The following PPIP5K1 variants were observed in gnomAD, a reference collection of about 807,000 sequenced individuals.
The protein encoded by PPIP5K1 is inositol hexakisphosphate and diphosphoinositol-pentakisphosphate kinase 1.
A neutral mutation model predicts 27.7 loss-of-function variants in PPIP5K1; 6 were observed. That is an observed-to-expected ratio of 0.22 (90% CI 0.12 to 0.43). The LOEUF is 0.43. Among genes scored for constraint, PPIP5K1 ranks in the 20% least tolerant of loss-of-function variants. The probability of loss-of-function intolerance (pLI) is 1.00; values close to 1 mark genes in which losing one functional copy is unlikely to be tolerated. For missense variants in PPIP5K1, 394 were observed against 635.4 expected, an observed-to-expected ratio of 0.62 and a Z score of 4.08; for synonymous variants, 145 against 242.6, an observed-to-expected ratio of 0.60 and a Z score of 3.74.
At chr15:43,546,293 T>C (rs961683143) in intron 30 of PPIP5K1, among the ~76,000 whole-genome samples, 1 of 152,226 alleles carries the variant, frequency 6.6e-6, no homozygotes, top group African/African-American at 2.4e-5. Flanking sequence ...ACATTTCAGT[T>C]GTTTTTACCT....
At chr15:43,545,213 A>G (rs2081229146) in intron 30 of PPIP5K1, among the ~76,000 whole-genome samples, 1 of 151,894 alleles carries the variant, frequency 6.6e-6, no homozygotes, top group Admixed American at 6.6e-5. Context: ...ATTGGATCAG[A>G]GGTTAACTAT....
chr15:43,537,409 C>T (rs754748905), intron 31 of PPIP5K1: 9 of 312,340 alleles, frequency 2.9e-5, no homozygotes, highest in South Asian at 2.1e-4. Context: ...GAAAAAGAAG[C>T]CAGACGCGGT....
At chr15:43,551,620 T>TTTTTTTTTTTTTTTG (rs1567047110) in intron 30 of PPIP5K1, among the ~76,000 whole-genome samples, 1 of 124,692 alleles carries the variant, frequency 8.0e-6, no homozygotes, top group African/African-American at 4.2e-5. Context: ...TTTTTTTTTT[T>TTTTTTTTTTTTTTTG]GAGACGGAGT....
In PPIP5K1 at chr15:43,534,510, T is replaced by TA. The variant is rs1595664728; in HGVS notation, c.*163dup. 1.5e-6 allele frequency: 1 copy of TA among 646,450 alleles called. No homozygotes were observed. The highest frequency in any genetic ancestry group is 2.7e-5 in the East Asian group (1 of 37,326). 40.0% of individuals were successfully genotyped at this position (646,450 alleles called of 1,614,324 possible). ...GGCTCAAATGGCTGGTATAGTGTGATACCACTAATGAGAAAATTAATCACA... is the reference window on the plus strand; with the variant it reads ...GGCTCAAATGGCTGGTATAGTGTGATAACCACTAATGAGAAAATTAATCACA... On this transcript the variant is annotated 3_prime_UTR_variant, in exon 32 of 32. Coordinates refer to ENST00000420765, the MANE Select transcript of PPIP5K1 (RefSeq NM_001394395.1).
At chr15:43,552,437 G>T (rs1254647119) in intron 30 of PPIP5K1, among the ~76,000 whole-genome samples, 1 of 150,908 alleles carries the variant, frequency 6.6e-6, no homozygotes, top group Non-Finnish European at 1.5e-5. Context: ...TGGGCGCAGT[G>T]GCTCATGCCT....
At chr15:43,546,484 T>C (rs1208096783) in intron 30 of PPIP5K1, among the ~76,000 whole-genome samples, 1 of 151,956 alleles carries the variant, frequency 6.6e-6, no homozygotes, top group Non-Finnish European at 1.5e-5. Context: ...TCCTATTTTG[T>C]AGAGATATGT....
At chr15:43,550,668 C>A (rs1460706854) in intron 30 of PPIP5K1, among the ~76,000 whole-genome samples, 1 of 152,154 alleles carries the variant, frequency 6.6e-6, no homozygotes, top group Admixed American at 6.5e-5. Flanking sequence ...TTGAAGCCGG[C>A]ATTCTTGTCT....
chr15:43,559,231 G>T (rs887284893), intron 29 of PPIP5K1, among the ~76,000 whole-genome samples: 4 of 152,200 alleles, frequency 2.6e-5, no homozygotes. Flanking sequence ...TCCCAGTAGG[G>T]TAGGCACCAA....
intron 30 of PPIP5K1, among the ~76,000 whole-genome samples, chr15:43,554,810 T>C (rs1208670753): frequency 2.6e-5 from 4 of 152,042 alleles, no homozygotes; most frequent in Non-Finnish European, 4.4e-5. Flanking sequence ...ATAATTATAA[T>C]TAAATATTGA....
chr15:43,546,654 ATTTTTT>A (rs58966502), intron 30 of PPIP5K1, among the ~76,000 whole-genome samples: 3 of 106,500 alleles, frequency 2.8e-5, no homozygotes, highest in Admixed American at 2.3e-4. Context: ...CCTGTTTTCA[ATTTTTT>A]TTTTTTTTTT....
At position 43,539,572 on chromosome 15, in the gene PPIP5K1, A is replaced by T. The variant is rs1202702314; in HGVS notation, c.3568T>A (p.Ser1190Thr). The stretch of plus-strand genomic sequence containing the variant: ...TCTGAGGCCTGGCTGCTGTGCATGG[A>T]ATCAAAGAGGGCTGGAAAGGAGGTA... ...QAQASAALFD[S>T]MHSSQASDNP... Residue 1190 changes from serine (S) to threonine (T), a missense_variant, in exon 31 of 32, where the codon TCC (serine) becomes ACC (threonine). By Grantham distance (58) the Ser-to-Thr change is moderately conservative. Transcript: ENST00000420765. The T allele has an allele frequency of 6.3e-7, 1 of 1,594,414 alleles. No homozygotes were observed. Among genetic ancestry groups the T allele is most frequent in the Non-Finnish European group, 8.6e-7 (1 of 1,164,994 alleles).
At chr15:43,545,951 C>T (rs1471399930) in intron 30 of PPIP5K1, among the ~76,000 whole-genome samples, 1 of 151,952 alleles carries the variant, frequency 6.6e-6, no homozygotes, top group Admixed American at 6.6e-5. Context: ...GCTGCTCTGC[C>T]TATGGAGCAG....
At chr15:43,536,287 C>T (rs568125864) in intron 31 of PPIP5K1, 187 of 319,860 alleles carry the variant, frequency 5.8e-4, no homozygotes, top group Non-Finnish European at 9.2e-4. Context: ...GGCGTAGTGG[C>T]GGCTGTCTGT....
At chr15:43,536,065 A>C in intron 31 of PPIP5K1, 1 of 1,271,728 alleles carries the variant, frequency 7.9e-7, no homozygotes, top group East Asian at 5.7e-5. Context: ...TTTATAGCCC[A>C]AATGATAAGT....
At chr15:43,553,470 A>G (rs1014622354) in intron 30 of PPIP5K1, among the ~76,000 whole-genome samples, 6 of 151,954 alleles carry the variant, frequency 3.9e-5, no homozygotes, top group Admixed American at 6.6e-5. Flanking sequence ...AGCCCCTCGG[A>G]TAGCTGGGAC....
chr15:43,545,940 G>A (rs1595752217), intron 30 of PPIP5K1, among the ~76,000 whole-genome samples: 2 of 151,402 alleles, frequency 1.3e-5, no homozygotes, highest in African/African-American at 2.4e-5. Context: ...AGTCAATCCC[G>A]GCTGCTCTGC....
intron 29 of PPIP5K1, among the ~76,000 whole-genome samples, chr15:43,559,438 G>A (rs1039006024): frequency 3.3e-5 from 5 of 152,186 alleles, no homozygotes; most frequent in African/African-American, 1.2e-4. Flanking sequence ...GATGTCGGCA[G>A]AAAGGCTAGA....
At chr15:43,557,812 A>G (rs947372064) in intron 30 of PPIP5K1, among the ~76,000 whole-genome samples, 1 of 147,850 alleles carries the variant, frequency 6.8e-6, no homozygotes, top group African/African-American at 2.5e-5. Context: ...CTACAGGCAC[A>G]CACCACCATG....
At chr15:43,579,598 C>CGTGT (rs1168161790) in intron 10 of PPIP5K1, among the ~76,000 whole-genome samples, 544 of 29,910 alleles carry the variant, frequency 0.018, 22 homozygotes, top group Admixed American at 0.036. Context: ...TATATGTGTA[C>CGTGT]GTGTGTGTGT....
Sources: allele counts gnomAD v4.1 joint callset (sites outside exome capture counted in the v4.1 genomes callset), GRCh38; gene constraint gnomAD v4.1.1; transcripts MANE v1.5; gene names NCBI Gene and HGNC (gene_info 2026-07-23, HGNC 2026-07-21).